Variants in ST3GAL2 observed in about 807,000 individuals in gnomAD.
ST3GAL2 encodes ST3 beta-galactoside alpha-2,3-sialyltransferase 2, also known as CMP-N-acetylneuraminate-beta-galactosamide-alpha-2,3-sialyltransferase 2.
ST3GAL2 carries 16 observed loss-of-function variants against 37.5 expected under a neutral mutation model. The observed-to-expected ratio is 0.43, with a 90% confidence interval of 0.29 to 0.65. The LOEUF (loss-of-function observed/expected upper bound fraction) is 0.65. Among genes scored for constraint, ST3GAL2 ranks in the 30% least tolerant of loss-of-function variants. The probability of loss-of-function intolerance (pLI) is 0.17; values close to 1 mark genes in which losing one functional copy is unlikely to be tolerated. For synonymous variants in ST3GAL2, 238 were observed against 202.9 expected (o/e 1.17, Z -1.47); for missense variants, 383 against 487.8 (o/e 0.79, Z 2.02).
At chr16:70,417,057 T>A (rs2047681441) in intron 1 of ST3GAL2, among the ~76,000 whole-genome samples, 3 of 152,252 alleles carry the variant, frequency 2.0e-5, no homozygotes. Context: ...GGTTTGCCAC[T>A]TGTCAGCTAT....
At chr16:70,388,956 T>G (rs762751828) in intron 3 of ST3GAL2, among the ~76,000 whole-genome samples, 6 of 146,262 alleles carry the variant, frequency 4.1e-5, no homozygotes, top group Non-Finnish European at 8.9e-5. Context: ...GTACCTGTAA[T>G]CCCAGCAACC....
chr16:70,394,852 A>C (rs1597560157), intron 3 of ST3GAL2, 130 bp downstream of exon 3: 3 of 1,018,944 alleles, frequency 2.9e-6, no homozygotes, highest in Non-Finnish European at 4.3e-6. Flanking sequence ...GCTGTGAAAG[A>C]CTCTGGGAGG....
intron 1 of ST3GAL2, among the ~76,000 whole-genome samples, chr16:70,438,288 G>A (rs1597581050): frequency 6.6e-6 from 1 of 152,158 alleles, no homozygotes; most frequent in Admixed American, 6.5e-5. Context: ...ATGACTGGGG[G>A]TAAGAAATGA....
chr16:70,402,283 CA>C (rs1042560583), intron 1 of ST3GAL2, among the ~76,000 whole-genome samples: 352 of 40,712 alleles, frequency 8.6e-3, no homozygotes, highest in South Asian at 0.018. Flanking sequence ...AACTATTTCT[CA>C]AAAAAAAAAA....
chr16:70,438,184 G>A (rs188381388), intron 1 of ST3GAL2, among the ~76,000 whole-genome samples: 9 of 152,344 alleles, frequency 5.9e-5, no homozygotes, highest in Non-Finnish European at 1.3e-4. Context: ...AGGAGGGAAG[G>A]CCAACAGGAG....
intron 1 of ST3GAL2, among the ~76,000 whole-genome samples, chr16:70,421,207 C>T (rs2047712154): frequency 1.3e-5 from 2 of 152,190 alleles, no homozygotes; most frequent in African/African-American, 4.8e-5. Flanking sequence ...CCTGAGGAGC[C>T]GATGACATGC....
chr16:70,420,914 T>C (rs1178559115), intron 1 of ST3GAL2, among the ~76,000 whole-genome samples: 1 of 152,198 alleles, frequency 6.6e-6, no homozygotes, highest in Non-Finnish European at 1.5e-5. Flanking sequence ...GTGGGCCCCT[T>C]GCTCAGCTGC....
At chr16:70,394,833 TCCAAGC>T in intron 3 of ST3GAL2, 143 bp downstream of exon 3, 1 of 866,124 alleles carries the variant, frequency 1.2e-6, no homozygotes. Context: ...AGGAGAGAGC[TCCAAGC>T]CTGCTGTGAA....
At chr16:70,383,634 G>C (rs1422841241) in intron 4 of ST3GAL2, among the ~76,000 whole-genome samples, 1 of 146,624 alleles carries the variant, frequency 6.8e-6, no homozygotes, top group Non-Finnish European at 1.5e-5. Context: ...GAAAGGAAAA[G>C]AAGGGAAAGG....
intron 1 of ST3GAL2, 156 bp from the exon 2 acceptor site, chr16:70,399,689 G>T: frequency 2.7e-6 from 1 of 368,688 alleles, no homozygotes. Context: ...TAGCTGCACA[G>T]ATAGCATCAC....
intron 1 of ST3GAL2, among the ~76,000 whole-genome samples, chr16:70,413,552 C>CAAAA (rs2047653972): frequency 2.6e-5 from 1 of 39,144 alleles, no homozygotes; most frequent in African/African-American, 1.9e-4. Flanking sequence ...CCGTCTCTAT[C>CAAAA]AAAAATACAA....
chr16:70,398,546 G>A lies in ST3GAL2; in HGVS notation c.-16C>T, dbSNP rs562210318. On this transcript the variant is annotated 5_prime_UTR_variant, in exon 2 of 7. Transcript: ENST00000342907. Reference sequence around the variant, plus strand: ...AGCACTTCATGGTGCCGGCAGGCGGGTGACGGTCACCGTGGCCACTCTTTT... The same window carrying A: ...AGCACTTCATGGTGCCGGCAGGCGGATGACGGTCACCGTGGCCACTCTTTT... 6.4e-7 allele frequency: 1 copy of A among 1,573,250 alleles called. No individual in the cohort carries two copies. The highest frequency in any genetic ancestry group is 1.8e-5 in the Admixed American group (1 of 55,670).
chr16:70,381,436 T>G lies in ST3GAL2; in HGVS notation c.*253A>C. On this transcript the variant is annotated 3_prime_UTR_variant, in exon 7 of 7. Transcript: ENST00000342907. ...CCGCTGGCCCGCCCCCGAAGGCCAT[T>G]GATTGGAGGAGACTGGACACAGCGC... The G allele has an allele frequency of 6.5e-6, 3 of 461,160 alleles. No individual in the cohort carries two copies. Among genetic ancestry groups the G allele is most frequent in the Non-Finnish European group, 7.8e-6 (2 of 257,684 alleles). The allele number at this position is 461,160 out of a possible 1,614,324, so 28.6% of individuals were successfully genotyped here. A position where few individuals can be genotyped will look rare whatever the true frequency, so the allele number is the denominator to read the frequency against.
chr16:70,438,511 G>A (rs1253728153), intron 1 of ST3GAL2, among the ~76,000 whole-genome samples: 1 of 152,166 alleles, frequency 6.6e-6, no homozygotes, highest in Non-Finnish European at 1.5e-5. Context: ...GGAAAGAGGA[G>A]CTGATGGGGC....
intron 3 of ST3GAL2, 54 bp from the exon 4 acceptor site, chr16:70,388,600 G>C (rs1597556822): frequency 6.6e-7 from 1 of 1,521,834 alleles, no homozygotes; most frequent in East Asian, 2.3e-5. Flanking sequence ...ACTGATACAA[G>C]ATTCTTAGAG....
At chr16:70,406,824 T>C (rs979580400) in intron 1 of ST3GAL2, among the ~76,000 whole-genome samples, 2 of 150,118 alleles carry the variant, frequency 1.3e-5, no homozygotes, top group Admixed American at 6.6e-5. Flanking sequence ...GAATGTGGAA[T>C]GGGATTCAGC....
rs973227532 is a variant in ST3GAL2, at chr16:70,385,544, A to G, written c.714-2309T>C. Among the ~76,000 whole-genome samples the G allele has an allele frequency of 2.0e-5, 3 of 151,986 alleles. No homozygotes were observed. In the East Asian group the frequency reaches 5.8e-4, roughly 29 times the overall value. ...TAAAATGGCAAATGTTATATTGTGT[A>G]TATTTTACCACACAACAAAAATATA... On this transcript the variant is annotated intron_variant, in intron 4 of 6. Coordinates refer to ENST00000342907, the MANE Select transcript of ST3GAL2 (RefSeq NM_006927.4).
chr16:70,386,895 T>C (rs903697547), intron 4 of ST3GAL2, among the ~76,000 whole-genome samples: 3 of 151,324 alleles, frequency 2.0e-5, no homozygotes, highest in African/African-American at 7.3e-5. Context: ...CCACCCGCCT[T>C]GGCCTCCCAA....
At chr16:70,431,335 G>C (rs910649400) in intron 1 of ST3GAL2, among the ~76,000 whole-genome samples, 2 of 152,182 alleles carry the variant, frequency 1.3e-5, no homozygotes, top group Non-Finnish European at 2.9e-5. Flanking sequence ...GCTGAGGCTG[G>C]GGGGCTGCTG....
Sources: allele counts gnomAD v4.1 joint callset (sites outside exome capture counted in the v4.1 genomes callset), GRCh38; gene constraint gnomAD v4.1.1; transcripts MANE v1.5; gene names NCBI Gene and HGNC (gene_info 2026-07-23, HGNC 2026-07-21).